ZNF786: variants seen among roughly 807,000 people sequenced by gnomAD.
The protein encoded by ZNF786 is zinc finger protein 786.
In ZNF786, 56 loss-of-function variants were observed where a neutral mutation model predicts 63.1. That is an observed-to-expected ratio of 0.89 (90% CI 0.72 to 1.11). The LOEUF is 1.11. Among genes scored for constraint, ZNF786 ranks in the 50% least tolerant of loss-of-function variants. The pLI, the probability that ZNF786 is intolerant of heterozygous loss-of-function variation, is 0.00. For synonymous variants in ZNF786, 485 were observed against 406.9 expected (o/e 1.19, Z -2.31); for missense variants, 1,213 against 1,041.8 (o/e 1.16, Z -2.26).
chr7:149,086,222 T>C (rs1292836415), intron 1 of ZNF786, among the ~76,000 whole-genome samples: 2 of 152,302 alleles, frequency 1.3e-5, no homozygotes, highest in East Asian at 3.9e-4. Flanking sequence ...CAAGGTGGGG[T>C]AATTTTTAAA....
chr7:149,073,669 A>C lies in ZNF786; in HGVS notation c.298+717T>G, dbSNP rs901998767. On this transcript the variant is annotated intron_variant, in intron 3 of 3. Transcript: ENST00000491431. The stretch of plus-strand genomic sequence containing the variant: ...TATATGTATACATATATACACATAT[A>C]TTTATGTATACATTTATATACATAT... Among the ~76,000 whole-genome samples, 7 of 148,748 alleles carry C rather than the reference A, an allele frequency of 4.7e-5. No homozygotes were observed. The East Asian group carries it at 7.9e-4, about 17-fold the overall frequency.
intron 2 of ZNF786, among the ~76,000 whole-genome samples, chr7:149,077,023 A>G (rs1004512777): frequency 6.6e-6 from 1 of 152,194 alleles, no homozygotes; most frequent in East Asian, 1.9e-4. Flanking sequence ...CTGATTGACA[A>G]TAGAGTAGGA....
At position 149,090,641 on chromosome 7, in the gene ZNF786, G is replaced by T. The variant is rs1162680330; in HGVS notation, c.-1C>A. The T allele has an allele frequency of 3.6e-5, 57 of 1,588,550 alleles. No homozygotes were observed. Among genetic ancestry groups the T allele is most frequent in the Non-Finnish European group, 4.8e-5 (56 of 1,166,646 alleles). On this transcript the variant is annotated 5_prime_UTR_variant, in exon 1 of 4. Coordinates refer to ENST00000491431, the MANE Select transcript of ZNF786 (RefSeq NM_152411.4). ...CGCTTACCCGAGGCGGCTCCGCCAT[G>T]GTCCCCGCGGTCCCGCCCGGCCCTG...
At chr7:149,072,803 G>C (rs1291311737) in intron 3 of ZNF786, among the ~76,000 whole-genome samples, 1 of 152,186 alleles carries the variant, frequency 6.6e-6, no homozygotes, top group African/African-American at 2.4e-5. Flanking sequence ...TTTGACTTCA[G>C]CTCCTTCTGT....
chr7:149,083,365 G>A (rs890393538), intron 1 of ZNF786, among the ~76,000 whole-genome samples: 16 of 151,584 alleles, frequency 1.1e-4, no homozygotes, highest in East Asian at 3.9e-4. Context: ...TATAGGCGCC[G>A]GCCACCACCC....
At chr7:149,088,703 C>CTAAA (rs1244849891) in intron 1 of ZNF786, among the ~76,000 whole-genome samples, 3 of 152,160 alleles carry the variant, frequency 2.0e-5, no homozygotes, top group African/African-American at 7.2e-5. Context: ...TTCAGAGTTC[C>CTAAA]TTTTAATGAA....
chr7:149,088,955 TTC>T (rs1234592708), intron 1 of ZNF786, among the ~76,000 whole-genome samples: 3 of 120,752 alleles, frequency 2.5e-5, no homozygotes, highest in Non-Finnish European at 4.9e-5. Flanking sequence ...CCTGTTGAGT[TTC>T]TTTTTTTTTT....
Position 149,090,609 on chromosome 7 carries a change from G to C in ZNF786, c.18+14C>G. The C allele has an allele frequency of 6.3e-7, 1 of 1,587,578 alleles. No homozygotes were observed. On this transcript the variant is annotated intron_variant, in intron 1 of 3. Coordinates refer to ENST00000491431, the MANE Select transcript of ZNF786 (RefSeq NM_152411.4). The stretch of plus-strand genomic sequence containing the variant: ...ACCCCGAAACCGGGCGTCCAAACAG[G>C]CTAGCCCGCTTACCCGAGGCGGCTC...
chr7:149,085,484 G>C (rs1184522974), intron 1 of ZNF786, among the ~76,000 whole-genome samples: 2 of 152,174 alleles, frequency 1.3e-5, no homozygotes, highest in East Asian at 1.9e-4. Flanking sequence ...GAGAGGCTGA[G>C]GTGGGAGAAC....
Position 149,070,772 on chromosome 7 carries a change from A to C in ZNF786, c.2000T>G (p.Ile667Ser). Residue 667 changes from isoleucine (I) to serine (S), a missense_variant, in exon 4 of 4, where the codon ATC (isoleucine) becomes AGC (serine). Ile to Ser is a moderately radical substitution (Grantham distance 142). Transcript: ENST00000491431. ...AGGCTTCTCTCCCGTGTGCGTTCTGATGTGCTCGATGAGCTTTGAGTGTTT... is the reference window on the plus strand; with the variant it reads ...AGGCTTCTCTCCCGTGTGCGTTCTGCTGTGCTCGATGAGCTTTGAGTGTTT... ...FVKHSKLIEH[I>S]RTHTGEKPFQ... 1.2e-6 allele frequency: 2 copies of C among 1,613,506 alleles called. No homozygotes were observed. The highest frequency in any genetic ancestry group is 4.5e-5 in the East Asian group (2 of 44,860).
chr7:149,072,569 C>A lies in ZNF786; in HGVS notation c.299-96G>T, dbSNP rs1427420913. On this transcript the variant is annotated intron_variant, in intron 3 of 3. Coordinates refer to ENST00000491431, the MANE Select transcript of ZNF786 (RefSeq NM_152411.4). The stretch of plus-strand genomic sequence containing the variant: ...GACCCACAAGAGTGCCTTGTGGTGG[C>A]CTGGGAACCCAGCTTCCACTGAGCT... The A allele has an allele frequency of 4.3e-6, 6 of 1,392,430 alleles. No individual in the cohort carries two copies. The African/African-American group carries it at 8.7e-5, about 20-fold the overall frequency. 86.3% of individuals were successfully genotyped at this position (1,392,430 alleles called of 1,614,324 possible). A position where few individuals can be genotyped will look rare whatever the true frequency, so the allele number is the denominator to read the frequency against.
intron 1 of ZNF786, among the ~76,000 whole-genome samples, chr7:149,082,259 A>C (rs562161682): frequency 6.6e-6 from 1 of 152,164 alleles, no homozygotes; most frequent in African/African-American, 2.4e-5. Flanking sequence ...GTGTGATTGT[A>C]AGTCTTCTGA....
Position 149,070,631 on chromosome 7 carries a change from C to A in ZNF786, c.2141G>T (p.Arg714Leu), listed in dbSNP as rs746264693. 1 of 1,613,884 alleles carries A rather than the reference C, an allele frequency of 6.2e-7. No individual in the cohort carries two copies. The highest frequency in any genetic ancestry group is 1.3e-5 in the African/African-American group (1 of 74,948). Residue 714 changes from arginine (R) to leucine (L), a missense_variant, in exon 4 of 4, where the codon CGG (arginine) becomes CTG (leucine). Physicochemically the swap from Arg to Leu is moderately radical, Grantham distance 102 (BLOSUM62 -2). Transcript: ENST00000491431. ...GTGCCTCAGCATGTGTCCCCTTTCCCGGAAGTTCTTGTCACACTCAGGGCA... is the reference window on the plus strand; with the variant it reads ...GTGCCTCAGCATGTGTCCCCTTTCCAGGAAGTTCTTGTCACACTCAGGGCA... ...FHCPECDKNFRERGHMLRHQR... is the reference protein window; with the variant it reads ...FHCPECDKNFLERGHMLRHQR...
rs375350333 is a variant in ZNF786 at position 149,071,974 on chromosome 7, G to A, written c.798C>T (p.Gly266=). Residue 266 remains glycine, a synonymous_variant, in exon 4 of 4, where the codon GGC becomes GGT. Transcript: ENST00000491431. ...TTTCACCGTCAGCGTTCCGGAAGGGGCCCCTCCCCGTGTGGGCCGCCAGAT... is the reference window on the plus strand; with the variant it reads ...TTTCACCGTCAGCGTTCCGGAAGGGACCCCTCCCCGTGTGGGCCGCCAGAT... ...LRHLAAHTGR[G]PFRNADGEMC... 16 of 1,612,318 alleles carry A rather than the reference G, an allele frequency of 9.9e-6. No homozygotes were observed. Among genetic ancestry groups the A allele is most frequent in the Non-Finnish European group, 1.2e-5 (14 of 1,179,860 alleles).
intron 1 of ZNF786, among the ~76,000 whole-genome samples, chr7:149,089,498 G>A (rs1047370233): frequency 5.9e-5 from 9 of 151,792 alleles, no homozygotes; most frequent in African/African-American, 2.2e-4. Flanking sequence ...GTATTTTTTA[G>A]TAGAGACAGT....
chr7:149,073,747 G>GTATGTA (rs1825484650), intron 3 of ZNF786, among the ~76,000 whole-genome samples: 1 of 77,570 alleles, frequency 1.3e-5, no homozygotes, highest in African/African-American at 4.6e-5. Context: ...GTGTGTGTGT[G>GTATGTA]TATATATATA....
At position 149,071,015 on chromosome 7, in the gene ZNF786, A is replaced by ACGCG; in HGVS notation, c.1753_1756dup (p.Val586AlafsTer68). ...CTGGAAGGGTCTCTCCCCGCTGTGC[A>ACGCG]CGCGCAAGTGCTCCGTGAGCTTGGA... On this transcript the variant is annotated frameshift_variant, in exon 4 of 4. Transcript: ENST00000491431. LOFTEE classifies it high-confidence loss of function. 1 of 1,612,766 alleles carries ACGCG rather than the reference A, an allele frequency of 6.2e-7. No individual in the cohort carries two copies. The highest frequency in any genetic ancestry group is 8.5e-7 in the Non-Finnish European group (1 of 1,179,886).
Position 149,070,571 on chromosome 7 carries a change from C to T in ZNF786, c.2201G>A (p.Cys734Tyr). 6.2e-7 allele frequency: 1 copy of T among 1,614,028 alleles called. No individual in the cohort carries two copies. ...RIHRPERPFA[C>Y]GDCGKGFIYK... ...AATGAAGCCCTTCCCACAATCGCCACAGGCAAAGGGCCTCTCGGGCCTGTG... is the reference window on the plus strand; with the variant it reads ...AATGAAGCCCTTCCCACAATCGCCATAGGCAAAGGGCCTCTCGGGCCTGTG... The change falls in exon 4 of 4, where the codon TGT (cysteine) becomes TAT (tyrosine). Residue 734 changes from cysteine to tyrosine, a missense_variant. Transcript: ENST00000491431.
At chr7:149,085,462 T>C (rs1476486072) in intron 1 of ZNF786, among the ~76,000 whole-genome samples, 1 of 152,150 alleles carries the variant, frequency 6.6e-6, no homozygotes, top group Non-Finnish European at 1.5e-5. Context: ...ATGCCTGTAG[T>C]CCTAGCTACC....
Sources: gnomAD v4.1 joint callset for allele counts (sites outside exome capture counted in the v4.1 genomes callset) on GRCh38, gnomAD v4.1.1 for gene constraint, MANE v1.5 for transcripts, NCBI Gene and HGNC (gene_info 2026-07-23, HGNC 2026-07-21) for gene names.